The following NFATC1 variants were observed in gnomAD, a reference collection of about 807,000 sequenced individuals.
The protein encoded by NFATC1 is nuclear factor of activated T cells 1.
NFATC1 carries 22 observed loss-of-function variants against 76.0 expected under a neutral mutation model. The observed-to-expected ratio is 0.29, with a 90% CI of 0.21 to 0.41. NFATC1 has a LOEUF of 0.41. NFATC1 is among the 10% of genes least tolerant of loss of function. NFATC1 has a pLI of 1.00. For missense variants in NFATC1, 1,357 were observed against 1,337.7 expected, an observed-to-expected ratio of 1.01 and a Z score of -0.23; for synonymous variants, 704 against 613.1, an observed-to-expected ratio of 1.15 and a Z score of -2.19.
intron 8 of NFATC1, among the ~76,000 whole-genome samples, chr18:79,479,007 G>A (rs1293535228): frequency 6.6e-6 from 1 of 152,230 alleles, no homozygotes; most frequent in African/African-American, 2.4e-5. Flanking sequence ...CGTGGACGAT[G>A]GGGCAGCCAT....
At chr18:79,470,000 T>C in intron 8 of NFATC1, 4 of 985,428 alleles carry the variant, frequency 4.1e-6, no homozygotes, top group Non-Finnish European at 3.6e-6. Flanking sequence ...AAATAAATAA[T>C]GAATAGAAAC....
At chr18:79,413,735 C>T (rs1600633009) in intron 2 of NFATC1, among the ~76,000 whole-genome samples, 1 of 152,354 alleles carries the variant, frequency 6.6e-6, no homozygotes, top group East Asian at 1.9e-4. Context: ...TCTTCGTCTC[C>T]TGGGCGGCAA....
At chr18:79,427,025 C>T (rs981815442) in intron 2 of NFATC1, among the ~76,000 whole-genome samples, 6 of 152,210 alleles carry the variant, frequency 3.9e-5, no homozygotes, top group Admixed American at 3.3e-4. Flanking sequence ...GCAGCAGCCA[C>T]GGCAGAAGCT....
intron 9 of NFATC1, among the ~76,000 whole-genome samples, chr18:79,510,264 C>T (rs368561298): frequency 2.0e-5 from 3 of 151,968 alleles, no homozygotes; most frequent in African/African-American, 4.8e-5. Context: ...AGGGATGGGA[C>T]GGATTCCACT....
chr18:79,397,539 T>TAGAC (rs2085048899), intron 1 of NFATC1, among the ~76,000 whole-genome samples: 1 of 152,076 alleles, frequency 6.6e-6, no homozygotes, highest in Admixed American at 6.5e-5. Context: ...GGACGGGAGG[T>TAGAC]AGACACCACT....
chr18:79,521,179 CCA>C (rs1381303169), intron 9 of NFATC1, among the ~76,000 whole-genome samples: 3 of 30,016 alleles, frequency 1.0e-4, no homozygotes, highest in Admixed American at 5.4e-4. Context: ...TGATGTGTGT[CCA>C]TGTGTGTGTG....
intron 2 of NFATC1, among the ~76,000 whole-genome samples, chr18:79,415,908 A>G (rs922636756): frequency 6.6e-6 from 1 of 152,116 alleles, no homozygotes; most frequent in Non-Finnish European, 1.5e-5. Flanking sequence ...TTAAAAGTAC[A>G]CAAATTAGCT....
At chr18:79,506,353 G>A (rs772542135) in intron 9 of NFATC1, among the ~76,000 whole-genome samples, 10 of 152,130 alleles carry the variant, frequency 6.6e-5, no homozygotes, top group Non-Finnish European at 1.0e-4. Flanking sequence ...GGGACTGTGC[G>A]CCTTGTCCCC....
chr18:79,401,484 G>T (rs75320316), intron 1 of NFATC1, among the ~76,000 whole-genome samples: 3,426 of 152,324 alleles, frequency 0.022, 109 homozygotes, highest in East Asian at 0.15. Context: ...TAGGTCTTTG[G>T]GGTCAGTGGG....
At chr18:79,508,236 G>A (rs1108411) in intron 9 of NFATC1, among the ~76,000 whole-genome samples, 4 of 152,110 alleles carry the variant, frequency 2.6e-5, no homozygotes, top group South Asian at 2.1e-4. Flanking sequence ...AGGGAGGGAC[G>A]GACGGACGGA....
At chr18:79,458,456 A>C (rs1336166037) in intron 6 of NFATC1, among the ~76,000 whole-genome samples, 1 of 151,950 alleles carries the variant, frequency 6.6e-6, no homozygotes. Context: ...CAGCATCAGC[A>C]CCGGCGTGGG....
At chr18:79,426,309 A>G (rs1047939784) in intron 2 of NFATC1, among the ~76,000 whole-genome samples, 5 of 148,382 alleles carry the variant, frequency 3.4e-5, no homozygotes, top group African/African-American at 1.0e-4. Context: ...CTGAAAAAAA[A>G]TCCCTCACGC....
intron 2 of NFATC1, among the ~76,000 whole-genome samples, chr18:79,432,928 C>T (rs1015809818): frequency 6.6e-6 from 1 of 152,236 alleles, no homozygotes; most frequent in African/African-American, 2.4e-5. Flanking sequence ...CACCTGTCAC[C>T]CGCCAGGTCA....
At chr18:79,520,171 C>T (rs896829214) in intron 9 of NFATC1, among the ~76,000 whole-genome samples, 2 of 144,558 alleles carry the variant, frequency 1.4e-5, no homozygotes, top group Non-Finnish European at 3.1e-5. Context: ...ACAGCCTTCT[C>T]GAAGCCCCTC....
At chr18:79,459,850 G>A (rs1235561626) in intron 6 of NFATC1, among the ~76,000 whole-genome samples, 2 of 152,176 alleles carry the variant, frequency 1.3e-5, no homozygotes, top group African/African-American at 4.8e-5. Flanking sequence ...GGGCTTCTGA[G>A]TGGTGCATCT....
intron 2 of NFATC1, among the ~76,000 whole-genome samples, chr18:79,418,506 C>T (rs1000350879): frequency 6.6e-5 from 10 of 152,194 alleles, no homozygotes; most frequent in African/African-American, 2.4e-4. Context: ...CCAGACTGGC[C>T]TTCTGCTCTC....
At chr18:79,401,145 A>ACCCCTGGGCCTGGGCC (rs142874542) in intron 1 of NFATC1, among the ~76,000 whole-genome samples, 13,915 of 150,784 alleles carry the variant, frequency 0.092, 892 homozygotes, top group East Asian at 0.16. Flanking sequence ...TGGGGTGGGC[A>ACCCCTGGGCCTGGGCC]CCCCTGGGCC....
At chr18:79,469,379 A>AT in intron 8 of NFATC1, 1 of 985,454 alleles carries the variant, frequency 1.0e-6, no homozygotes, top group South Asian at 4.7e-5. Flanking sequence ...CAGATCACGT[A>AT]TCTCAGAGGC....
chr18:79,442,394 T>C (rs3786192), intron 3 of NFATC1, among the ~76,000 whole-genome samples: 39,182 of 152,190 alleles, frequency 0.26, 5,343 homozygotes, highest in African/African-American at 0.35. Context: ...ACGGGCGCCA[T>C]GTCTCCAAGA....
Sources: allele counts gnomAD v4.1 joint callset (sites outside exome capture counted in the v4.1 genomes callset), GRCh38; gene constraint gnomAD v4.1.1; transcripts MANE v1.5; gene names NCBI Gene and HGNC (gene_info 2026-07-23, HGNC 2026-07-21).